The following SGMS1 variants were observed in gnomAD, a reference collection of about 807,000 sequenced individuals.
SGMS1 encodes sphingomyelin synthase 1.
In SGMS1, 13 loss-of-function variants were observed where a neutral mutation model predicts 46.2. The ratio of observed to expected loss-of-function variants is 0.28; its 90% confidence interval spans 0.18 to 0.45. The LOEUF (loss-of-function observed/expected upper bound fraction) is 0.45, where lower values mean the gene tolerates loss of function less well. SGMS1 is among the 20% of genes least tolerant of loss of function. The pLI is 1.00. For missense variants in SGMS1, 324 were observed against 519.9 expected (o/e 0.62, Z 3.66); for synonymous variants, 203 against 187.8 (o/e 1.08, Z -0.66).
intron 8 of SGMS1, among the ~76,000 whole-genome samples, chr10:50,316,012 G>A (rs2133286158): frequency 6.6e-6 from 1 of 152,324 alleles, no homozygotes; most frequent in Middle Eastern, 3.4e-3. Flanking sequence ...TGAGCCTTTG[G>A]TTATGAAAGA....
At chr10:50,353,152 C>T (rs551098767) in intron 6 of SGMS1, among the ~76,000 whole-genome samples, 2 of 152,376 alleles carry the variant, frequency 1.3e-5, no homozygotes, top group East Asian at 3.9e-4. Context: ...GAATTTTAGA[C>T]CAATGTCCCT....
At chr10:50,377,037 T>C (rs1346099817) in intron 6 of SGMS1, among the ~76,000 whole-genome samples, 3 of 152,242 alleles carry the variant, frequency 2.0e-5, no homozygotes, top group African/African-American at 4.8e-5. Flanking sequence ...AATGTTCTGA[T>C]ACATTCTACT....
intron 3 of SGMS1, among the ~76,000 whole-genome samples, chr10:50,481,543 T>C (rs7358033): frequency 0.096 from 14,626 of 152,062 alleles, 1,848 homozygotes; most frequent in African/African-American, 0.29. Context: ...GTCAGCAGCC[T>C]CAAAGATTGA....
At chr10:50,624,647 G>A, upstream of SGMS1, 2 of 985,480 alleles carry the variant, frequency 2.0e-6, no homozygotes, top group Non-Finnish European at 2.4e-6. Flanking sequence ...AACCCGGAGA[G>A]CGGCTAGGCC....
intron 1 of SGMS1, among the ~76,000 whole-genome samples, chr10:50,609,606 A>C (rs1453523147): frequency 6.9e-6 from 1 of 144,246 alleles, no homozygotes; most frequent in Non-Finnish European, 1.5e-5. Flanking sequence ...CTTTATGACT[A>C]TTCTCAACAG....
At chr10:50,605,146 G>A (rs1010460280) in intron 1 of SGMS1, among the ~76,000 whole-genome samples, 1 of 17,154 alleles carries the variant, frequency 5.8e-5, no homozygotes, top group East Asian at 4.3e-4. Flanking sequence ...ACAAAACCCC[G>A]GACCACTGCA....
At chr10:50,351,488 C>A (rs756136916) in intron 6 of SGMS1, among the ~76,000 whole-genome samples, 1 of 152,136 alleles carries the variant, frequency 6.6e-6, no homozygotes, top group Admixed American at 6.5e-5. Context: ...TGTGTGCCCA[C>A]GCAAATCTCA....
Position 50,306,133 on chromosome 10 carries a change from A to G in SGMS1, c.*1009T>C, listed in dbSNP as rs1026547861. On this transcript the variant is annotated 3_prime_UTR_variant, in exon 11 of 11. Transcript: ENST00000361781. ...GTTTTCATTGAGTAGTTAAAATTGA[A>G]CTACCAAATCGACGATAAAATAATT... is the stretch of plus-strand genomic sequence containing the variant. 1.4e-4 allele frequency: 21 copies of G among 152,722 alleles called. No homozygotes were observed. The highest frequency in any genetic ancestry group is 4.6e-4 in the African/African-American group (19 of 41,442). 9.5% of individuals were successfully genotyped at this position (152,722 alleles called of 1,614,324 possible).
intron 5 of SGMS1, among the ~76,000 whole-genome samples, chr10:50,445,928 G>T (rs983419640): frequency 1.3e-5 from 2 of 152,050 alleles, no homozygotes; most frequent in African/African-American, 2.4e-5. Context: ...ATTTCTAAGG[G>T]GAGGCCTCTG....
intron 6 of SGMS1, among the ~76,000 whole-genome samples, chr10:50,415,676 C>T (rs1411402177): frequency 1.3e-5 from 2 of 152,084 alleles, no homozygotes; most frequent in East Asian, 3.9e-4. Context: ...GATGATATGC[C>T]CACAGATGGA....
intron 2 of SGMS1, among the ~76,000 whole-genome samples, chr10:50,581,275 G>C (rs1047435641): frequency 6.6e-6 from 1 of 152,154 alleles, no homozygotes; most frequent in African/African-American, 2.4e-5. Flanking sequence ...CTGGACACTG[G>C]CCACACCAGT....
At chr10:50,474,926 AT>A (rs1837407169) in intron 3 of SGMS1, among the ~76,000 whole-genome samples, 1 of 152,204 alleles carries the variant, frequency 6.6e-6, no homozygotes, top group Non-Finnish European at 1.5e-5. Flanking sequence ...TATTCTTATT[AT>A]TCAGGCTTTA....
chr10:50,616,020 G>A (rs1464304184), intron 1 of SGMS1, among the ~76,000 whole-genome samples: 1 of 152,190 alleles, frequency 6.6e-6, no homozygotes, highest in East Asian at 1.9e-4. Context: ...CTTAGAGAGT[G>A]TTACACATTT....
At chr10:50,457,629 A>G (rs1837209341) in intron 5 of SGMS1, among the ~76,000 whole-genome samples, 1 of 152,130 alleles carries the variant, frequency 6.6e-6, no homozygotes, top group Non-Finnish European at 1.5e-5. Context: ...TATGTAGTCA[A>G]TGTTTAGCTA....
intron 1 of SGMS1, among the ~76,000 whole-genome samples, chr10:50,594,279 C>T (rs1040190820): frequency 2.0e-5 from 3 of 152,304 alleles, no homozygotes; most frequent in African/African-American, 7.2e-5. Context: ...CAACACCACA[C>T]ACTGCCCATG....
At chr10:50,588,162 A>G (rs1370917034) in intron 2 of SGMS1, among the ~76,000 whole-genome samples, 1 of 152,204 alleles carries the variant, frequency 6.6e-6, no homozygotes, top group Non-Finnish European at 1.5e-5. Flanking sequence ...GTGATTCCAG[A>G]CACAACTCCT....
At chr10:50,539,266 G>A (rs969553640) in intron 2 of SGMS1, among the ~76,000 whole-genome samples, 2 of 152,228 alleles carry the variant, frequency 1.3e-5, no homozygotes, top group South Asian at 2.1e-4. Context: ...CATTGTTCCC[G>A]GAAGGCCAGT....
intron 3 of SGMS1, among the ~76,000 whole-genome samples, chr10:50,499,962 T>C (rs961864115): frequency 1.3e-5 from 2 of 152,036 alleles, no homozygotes; most frequent in African/African-American, 2.4e-5. Flanking sequence ...AGGTCTGGAG[T>C]TCGAGACCAG....
chr10:50,332,508 T>C (rs1199265022), intron 7 of SGMS1, among the ~76,000 whole-genome samples: 3 of 152,116 alleles, frequency 2.0e-5, no homozygotes, highest in Non-Finnish European at 2.9e-5. Flanking sequence ...CTAAAACCTG[T>C]TTCCTTAATT....
Sources: allele counts gnomAD v4.1 joint callset (sites outside exome capture counted in the v4.1 genomes callset), GRCh38; gene constraint gnomAD v4.1.1; transcripts MANE v1.5; gene names NCBI Gene and HGNC (gene_info 2026-07-23, HGNC 2026-07-21).